Variants in FOXK1 observed in about 807,000 individuals in gnomAD.
FOXK1 encodes forkhead box K1.
Under a neutral mutation model 51.9 loss-of-function variants are expected in FOXK1, and 19 were observed. The ratio of observed to expected loss-of-function variants is 0.37; its 90% confidence interval spans 0.26 to 0.54. The LOEUF (loss-of-function observed/expected upper bound fraction) is 0.54. Among genes scored for constraint, FOXK1 ranks in the 20% least tolerant of loss-of-function variants. The probability of loss-of-function intolerance (pLI) is 0.87; values close to 1 mark genes in which losing one functional copy is unlikely to be tolerated. For synonymous variants in FOXK1, 537 were observed against 482.6 expected (o/e 1.11, Z -1.48); for missense variants, 870 against 1,032.7 (o/e 0.84, Z 2.16).
intron 1 of FOXK1, among the ~76,000 whole-genome samples, chr7:4,694,699 G>A (rs1320066092): frequency 6.6e-6 from 1 of 152,214 alleles, no homozygotes; most frequent in African/African-American, 2.4e-5. Context: ...AGCCTTGTCT[G>A]TAGGATGACC....
Position 4,762,187 on chromosome 7 carries a change from T to C in FOXK1, c.1925T>C (p.Leu642Pro). 1 of 1,549,506 alleles carries C rather than the reference T, an allele frequency of 6.5e-7. No homozygotes were observed. Among genetic ancestry groups the C allele is most frequent in the Non-Finnish European group, 8.7e-7 (1 of 1,144,364 alleles). ...TNSLAGNAYALTSPLQLLATQ... is the reference protein window; with the variant it reads ...TNSLAGNAYAPTSPLQLLATQ... ...CCCTCTTCTTCCTCCACTCCAGCCC[T>C]CACCAGCCCTTTGCAGCTCCTTGCG... Residue 642 changes from leucine to proline, a missense_variant, in exon 9 of 9, where the codon CTC (leucine) becomes CCC (proline). Physicochemically the swap from Leu to Pro is moderately conservative, Grantham distance 98 (BLOSUM62 -3). Around this residue, in one of 3 missense-constraint regions of FOXK1, gnomAD observed 457 missense variants for 510.8 expected, o/e 0.89. Transcript: ENST00000328914. The surrounding 1 kb of genome is among the most constrained non-coding windows in gnomAD (Gnocchi z 5.7).
chr7:4,691,968 TTTATACTC>T (rs1211981614), intron 1 of FOXK1, among the ~76,000 whole-genome samples: 12 of 152,160 alleles, frequency 7.9e-5, no homozygotes, highest in Non-Finnish European at 1.6e-4. Flanking sequence ...TCAGGGCCCT[TTTATACTC>T]TTATACTCCT....
chr7:4,712,238 G>A lies in FOXK1; in HGVS notation c.561-28600G>A, dbSNP rs549397259. Among the ~76,000 whole-genome samples the A allele has an allele frequency of 6.6e-5, 10 of 152,102 alleles. No individual in the cohort carries two copies. The East Asian group carries it at 1.4e-3, about 21-fold the overall frequency. ...TCAGACTTCACCAAGAGCATCTCCC[G>A]CCTCGGTGCAGTAATGGACTTGGAA... On this transcript the variant is annotated intron_variant, in intron 1 of 8. Transcript: ENST00000328914.
chr7:4,770,904 T>C lies in FOXK1; in HGVS notation c.*8440T>C, dbSNP rs1213783439. 1 of 132,606 alleles carries C rather than the reference T, an allele frequency of 7.5e-6. No individual in the cohort carries two copies. Among genetic ancestry groups the C allele is most frequent in the Non-Finnish European group, 1.6e-5 (1 of 62,238 alleles). 8.2% of individuals were successfully genotyped at this position (132,606 alleles called of 1,614,324 possible). ...GTGTGTGTGTGTGTGTGTGTGTGTA[T>C]TTTTTTTTTTACAGTGGCGCCTGTC... On this transcript the variant is annotated 3_prime_UTR_variant, in exon 9 of 9. Coordinates refer to ENST00000328914, the MANE Select transcript of FOXK1 (RefSeq NM_001037165.2).
intron 3 of FOXK1, 23 bp downstream of exon 3, chr7:4,754,638 G>A (rs1307895295): frequency 1.3e-6 from 2 of 1,594,684 alleles, no homozygotes. Context: ...CTGGCGCCGT[G>A]GTGCACCTGG....
intron 1 of FOXK1, among the ~76,000 whole-genome samples, chr7:4,694,498 G>C (rs944363501): frequency 1.3e-5 from 2 of 152,138 alleles, no homozygotes; most frequent in South Asian, 2.1e-4. Flanking sequence ...TGTATCACGA[G>C]GGGGAAAGGT....
intron 1 of FOXK1, among the ~76,000 whole-genome samples, chr7:4,696,468 G>A (rs1172000822): frequency 2.6e-5 from 4 of 152,194 alleles, no homozygotes; most frequent in Admixed American, 1.3e-4. Context: ...TCACACGGTT[G>A]TACCAGGTAG....
rs568103566 is a variant in FOXK1, at chr7:4,760,380, G to A, written c.1697-684G>A. ...CTGCAGTTAGGCAGCGCCCTCCTAG[G>A]CCACTCTCCACCCTGGACTTCCTCT... On this transcript the variant is annotated intron_variant, in intron 7 of 8. Coordinates refer to ENST00000328914, the MANE Select transcript of FOXK1 (RefSeq NM_001037165.2). Among the ~76,000 whole-genome samples the A allele has an allele frequency of 5.3e-5, 8 of 152,260 alleles. No individual in the cohort carries two copies. The East Asian group carries it at 1.2e-3, about 22-fold the overall frequency.
chr7:4,719,127 T>TTG (rs1780276029), intron 1 of FOXK1, among the ~76,000 whole-genome samples: 2 of 127,236 alleles, frequency 1.6e-5, no homozygotes, highest in Non-Finnish European at 3.4e-5. Flanking sequence ...TTTGTTTTTT[T>TTG]TTTGTTTGTT....
intron 1 of FOXK1, among the ~76,000 whole-genome samples, chr7:4,688,522 A>G (rs1265754798): frequency 1.3e-5 from 2 of 151,882 alleles, no homozygotes; most frequent in Non-Finnish European, 2.9e-5. Context: ...CAGCCTCCCA[A>G]GTAGCTGGGA....
chr7:4,754,577 G>A lies in FOXK1; in HGVS notation c.865G>A (p.Glu289Lys). Reference sequence around the variant, plus strand: ...AGAGTTTGCAGCAAAGGCCGCGTCGGAGCAGCAGGCAGACACGTCTGGAGG... The same window carrying A: ...AGAGTTTGCAGCAAAGGCCGCGTCGAAGCAGCAGGCAGACACGTCTGGAGG... ...AAEFAAKAASEQQADTSGGDS... is the reference protein window; with the variant it reads ...AAEFAAKAASKQQADTSGGDS... The change falls in exon 3 of 9, where the codon GAG becomes AAG. Residue 289 changes from glutamate (E) to lysine (K), a missense_variant. By Grantham distance (56) the Glu-to-Lys change is moderately conservative. This residue lies in a region of FOXK1 where 399 missense variants were observed against 475.6 expected (regional missense o/e 0.84). Coordinates refer to ENST00000328914, the MANE Select transcript of FOXK1 (RefSeq NM_001037165.2). 1 of 1,608,198 alleles carries A rather than the reference G, an allele frequency of 6.2e-7. No homozygotes were observed. Among genetic ancestry groups the A allele is most frequent in the East Asian group, 2.2e-5 (1 of 44,876 alleles).
chr7:4,736,998 T>G (rs1562383764), intron 1 of FOXK1, among the ~76,000 whole-genome samples: 1 of 152,220 alleles, frequency 6.6e-6, no homozygotes, highest in Non-Finnish European at 1.5e-5. Flanking sequence ...GGGCTCTGGC[T>G]AGTACCTGGC....
At position 4,767,507 on chromosome 7, in the gene FOXK1, CT is replaced by C. The variant is rs1180342382; in HGVS notation, c.*5046del. ...AAAGCAATATTATTTAATGAGAATA[CT>C]TTACATTGCTCACATGTGCTGCTAT... On this transcript the variant is annotated 3_prime_UTR_variant, in exon 9 of 9. Coordinates refer to ENST00000328914, the MANE Select transcript of FOXK1 (RefSeq NM_001037165.2). This position sits in a 1 kb window ranked among gnomAD's most constrained non-coding sequence, Gnocchi z 6.6. The C allele has an allele frequency of 9.2e-5, 14 of 152,236 alleles. No individual in the cohort carries two copies. The highest frequency in any genetic ancestry group is 1.9e-4 in the Non-Finnish European group (13 of 68,042). 9.4% of individuals were successfully genotyped at this position (152,236 alleles called of 1,614,324 possible). A position where few individuals can be genotyped will look rare whatever the true frequency, so the allele number is the denominator to read the frequency against.
At chr7:4,724,327 C>T (rs1780352136) in intron 1 of FOXK1, among the ~76,000 whole-genome samples, 1 of 152,178 alleles carries the variant, frequency 6.6e-6, no homozygotes, top group African/African-American at 2.4e-5. Context: ...TCTCGGGTAG[C>T]TGGGATTACA....
chr7:4,714,911 G>A lies in FOXK1; in HGVS notation c.561-25927G>A, dbSNP rs141722802. ...GCTGCGATGAGCATCATGCTTTTGTGTGCTTTTGGGAAGTCTGCGTGCACG... is the reference window on the plus strand; with the variant it reads ...GCTGCGATGAGCATCATGCTTTTGTATGCTTTTGGGAAGTCTGCGTGCACG... On this transcript the variant is annotated intron_variant, in intron 1 of 8. Transcript: ENST00000328914. Among the ~76,000 whole-genome samples the A allele has an allele frequency of 6.6e-5, 10 of 152,274 alleles. No individual in the cohort carries two copies. The East Asian group carries it at 1.9e-3, about 29-fold the overall frequency.
At position 4,682,345 on chromosome 7, in the gene FOXK1, C is replaced by T. The variant is rs1779756918; in HGVS notation, c.37C>T (p.Leu13=). ...EVGEDSGARA[L]LALRSAPCSP... The stretch of plus-strand genomic sequence containing the variant: ...CGGCGAGGACAGCGGCGCCCGCGCC[C>T]TGCTCGCGCTGCGCTCGGCGCCCTG... The change falls in exon 1 of 9, where the codon CTG becomes TTG. Residue 13 remains leucine, a synonymous_variant. Transcript: ENST00000328914. This position sits in a 1 kb window ranked among gnomAD's most constrained non-coding sequence, Gnocchi z 7.6. 27 of 993,944 alleles carry T rather than the reference C, an allele frequency of 2.7e-5. No individual in the cohort carries two copies. Among genetic ancestry groups the T allele is most frequent in the Non-Finnish European group, 3.1e-5 (26 of 837,312 alleles). 61.6% of individuals were successfully genotyped at this position (993,944 alleles called of 1,614,324 possible). A position where few individuals can be genotyped will look rare whatever the true frequency, so the allele number is the denominator to read the frequency against.
At position 4,755,297 on chromosome 7, in the gene FOXK1, C is replaced by A; in HGVS notation, c.964C>A (p.Gln322Lys). 6.2e-7 allele frequency: 1 copy of A among 1,613,992 alleles called. No homozygotes were observed. Among genetic ancestry groups the A allele is most frequent in the Middle Eastern group, 1.6e-4 (1 of 6,062 alleles). The change falls in exon 4 of 9, where the codon CAG becomes AAG. Residue 322 changes from glutamine to lysine, a missense_variant. By Grantham distance (53) the Gln-to-Lys change is moderately conservative (BLOSUM62 1). Around this residue, in one of 3 missense-constraint regions of FOXK1, gnomAD observed 399 missense variants for 475.6 expected, o/e 0.84. Coordinates refer to ENST00000328914, the MANE Select transcript of FOXK1 (RefSeq NM_001037165.2). The surrounding 1 kb of genome is among the most constrained non-coding windows in gnomAD (Gnocchi z 6.6). ...QLIVQAISSA[Q>K]DRQLTLSGIY... The stretch of plus-strand genomic sequence containing the variant: ...GATCGTGCAGGCCATCTCCTCCGCC[C>A]AGGACCGGCAGCTGACCCTGAGCGG...
Position 4,703,067 on chromosome 7 carries a change from G to C in FOXK1, c.560+20199G>C, listed in dbSNP as rs548878095. On this transcript the variant is annotated intron_variant, in intron 1 of 8. Transcript: ENST00000328914. This position sits in a 1 kb window ranked among gnomAD's most constrained non-coding sequence, Gnocchi z 5.6. ...GTCCGGTTGGGGACCGAGACCCCTG[G>C]TTGCTTGCACTGCTGGGTGAGAGTG... Among the ~76,000 whole-genome samples the C allele has an allele frequency of 6.6e-6, 1 of 152,188 alleles. No homozygotes were observed. Among genetic ancestry groups the C allele is most frequent in the African/African-American group, 2.4e-5 (1 of 41,446 alleles).
chr7:4,760,987 G>A (rs948257657), intron 7 of FOXK1, 77 bp from the exon 8 acceptor site: 15 of 1,417,236 alleles, frequency 1.1e-5, no homozygotes, highest in African/African-American at 5.6e-5. Flanking sequence ...CCACTTGTCC[G>A]ACCTGCTGCC....
Sources: gnomAD v4.1 joint callset for allele counts (sites outside exome capture counted in the v4.1 genomes callset) on GRCh38, gnomAD v4.1.1 for gene constraint, gnomAD v4.1.1 regional missense constraint, Gnocchi (gnomAD v3.1) non-coding constraint, MANE v1.5 for transcripts, NCBI Gene and HGNC (gene_info 2026-07-23, HGNC 2026-07-21) for gene names.